Variants in NAV3 observed in about 807,000 individuals in gnomAD.
NAV3 encodes neuron navigator 3.
NAV3 carries 87 observed loss-of-function variants against 244.7 expected under a neutral mutation model. The observed-to-expected ratio is 0.36, with a 90% CI of 0.30 to 0.42. The LOEUF (loss-of-function observed/expected upper bound fraction) is 0.42, where lower values mean the gene tolerates loss of function less well. Among genes scored for constraint, NAV3 ranks in the 20% least tolerant of loss-of-function variants. The pLI, the probability that NAV3 is intolerant of heterozygous loss-of-function variation, is 1.00. For synonymous variants in NAV3, 1,126 were observed against 1,042.2 expected (o/e 1.08, Z -1.55); for missense variants, 2,663 against 2,893.3 (o/e 0.92, Z 1.83).
intron 9 of NAV3, among the ~76,000 whole-genome samples, chr12:78,047,727 G>T (rs1301769340): frequency 6.6e-6 from 1 of 152,164 alleles, no homozygotes; most frequent in Non-Finnish European, 1.5e-5. Context: ...GGTGGTCCCT[G>T]TATTTCCTGA....
chr12:77,584,070 T>G (rs1429657579), intron 2 of NAV3, among the ~76,000 whole-genome samples: 1 of 152,208 alleles, frequency 6.6e-6, no homozygotes, highest in Non-Finnish European at 1.5e-5. Context: ...AGAAAGTGCT[T>G]TCCCACCACT....
intron 39 of NAV3, among the ~76,000 whole-genome samples, chr12:78,208,264 A>G (rs559444356): frequency 6.6e-6 from 1 of 152,262 alleles, no homozygotes; most frequent in East Asian, 1.9e-4. Flanking sequence ...CATTCCCTCC[A>G]GAGTGAGAAC....
intron 2 of NAV3, among the ~76,000 whole-genome samples, chr12:77,672,655 A>G (rs897701867): frequency 8.6e-5 from 13 of 151,960 alleles, no homozygotes; most frequent in African/African-American, 3.1e-4. Flanking sequence ...CATAAGAATG[A>G]TACATTGGAC....
intron 2 of NAV3, among the ~76,000 whole-genome samples, chr12:77,695,059 T>C (rs1297499405): frequency 1.3e-5 from 2 of 152,224 alleles, no homozygotes; most frequent in African/African-American, 2.4e-5. Flanking sequence ...TAAGCCATGC[T>C]AAAACATTCT....
chr12:77,789,581 G>A (rs1463090519), intron 2 of NAV3, among the ~76,000 whole-genome samples: 1 of 151,780 alleles, frequency 6.6e-6, no homozygotes, highest in Non-Finnish European at 1.5e-5. Flanking sequence ...AGGCGGAGGC[G>A]GGTGGATCAC....
intron 12 of NAV3, among the ~76,000 whole-genome samples, chr12:78,112,869 C>T (rs1955171933): frequency 6.6e-6 from 1 of 152,174 alleles, no homozygotes; most frequent in African/African-American, 2.4e-5. Context: ...TGAGACAAGG[C>T]AAGTCCCTTC....
intron 2 of NAV3, among the ~76,000 whole-genome samples, chr12:77,621,230 G>GAT (rs1871356776): frequency 6.6e-6 from 1 of 152,100 alleles, no homozygotes; most frequent in Admixed American, 6.6e-5. Flanking sequence ...AATCCCATGG[G>GAT]ATAGTTAACA....
At chr12:77,835,090 G>A (rs978053534) in intron 1 of NAV3, among the ~76,000 whole-genome samples, 1 of 152,006 alleles carries the variant, frequency 6.6e-6, no homozygotes, top group Non-Finnish European at 1.5e-5. Flanking sequence ...AGTTGTCAGG[G>A]AACCAGGCTC....
intron 20 of NAV3, among the ~76,000 whole-genome samples, chr12:78,143,835 C>A (rs1956740696): frequency 6.6e-6 from 1 of 152,090 alleles, no homozygotes; most frequent in African/African-American, 2.4e-5. Flanking sequence ...GTAATTGACA[C>A]CTTTAGATGT....
intron 2 of NAV3, among the ~76,000 whole-genome samples, chr12:77,642,037 T>C (rs1872437336): frequency 6.6e-6 from 1 of 151,920 alleles, no homozygotes; most frequent in African/African-American, 2.4e-5. Flanking sequence ...TTGAGGGAAA[T>C]AGTTTAGTGT....
intron 2 of NAV3, among the ~76,000 whole-genome samples, chr12:77,710,564 T>A (rs1312116642): frequency 6.6e-6 from 1 of 152,196 alleles, no homozygotes; most frequent in Non-Finnish European, 1.5e-5. Flanking sequence ...TCCCCAAAGA[T>A]GTCAGTAGAA....
rs371111675 is a variant in NAV3, at chr12:77,963,770, A to C, written c.415-2459A>C. Among the ~76,000 whole-genome samples the C allele has an allele frequency of 1.4e-4, 21 of 152,112 alleles. No homozygotes were observed. The South Asian group carries it at 3.9e-3, about 29-fold the overall frequency. ...TAAAAATGGTTGAATGCTCCTGATAAATACATTTGAAAATAAAAAAGAATG... is the reference window on the plus strand; with the variant it reads ...TAAAAATGGTTGAATGCTCCTGATACATACATTTGAAAATAAAAAAGAATG... On this transcript the variant is annotated intron_variant, in intron 3 of 39. Transcript: ENST00000397909.
chr12:77,679,522 A>G (rs987847461), intron 2 of NAV3, among the ~76,000 whole-genome samples: 2 of 151,440 alleles, frequency 1.3e-5, no homozygotes, highest in African/African-American at 4.9e-5. Context: ...TCTGGATCTC[A>G]AAAGAGAGGC....
chr12:78,137,367 T>C lies in NAV3; in HGVS notation c.4630+2T>C. On this transcript the variant is annotated splice_donor_variant, in intron 19 of 39. Transcript: ENST00000397909. LOFTEE classifies it high-confidence loss of function. Reference sequence around the variant, plus strand: ...CATTCAGAGACAGCATGGAAGAAGGTAAGCGTTGAGGGGGATTAAAGATGA... The same window carrying C: ...CATTCAGAGACAGCATGGAAGAAGGCAAGCGTTGAGGGGGATTAAAGATGA... 6.2e-7 allele frequency: 1 copy of C among 1,607,950 alleles called. No homozygotes were observed. The highest frequency in any genetic ancestry group is 8.5e-7 in the Non-Finnish European group (1 of 1,178,228).
At chr12:77,834,169 A>G (rs1592732696) in intron 1 of NAV3, among the ~76,000 whole-genome samples, 1 of 152,128 alleles carries the variant, frequency 6.6e-6, no homozygotes, top group East Asian at 1.9e-4. Context: ...GCCTGTCCTC[A>G]CTAGGTCCAT....
intron 4 of NAV3, among the ~76,000 whole-genome samples, chr12:77,966,578 A>G (rs901900532): frequency 6.6e-6 from 1 of 152,132 alleles, no homozygotes; most frequent in Non-Finnish European, 1.5e-5. Flanking sequence ...TTACTAGTTT[A>G]TAGTATAATT....
chr12:78,143,344 T>A (rs1395060407), intron 20 of NAV3: 2 of 444,690 alleles, frequency 4.5e-6, no homozygotes, highest in Non-Finnish European at 4.5e-6. Flanking sequence ...TGTTTTGAAA[T>A]CTAAGGCCAA....
At chr12:77,716,475 T>C (rs12315766) in intron 2 of NAV3, among the ~76,000 whole-genome samples, 4,123 of 152,008 alleles carry the variant, frequency 0.027, 182 homozygotes, top group African/African-American at 0.093. Flanking sequence ...ATAGGTAATT[T>C]CATGTTTTAT....
intron 22 of NAV3, 73 bp downstream of exon 22, chr12:78,148,992 A>T: frequency 7.6e-7 from 1 of 1,307,580 alleles, no homozygotes; most frequent in African/African-American, 1.5e-5. Flanking sequence ...TTAGTAACAA[A>T]CTTACAAATT....
Sources: gnomAD v4.1 joint callset for allele counts (sites outside exome capture counted in the v4.1 genomes callset) on GRCh38, gnomAD v4.1.1 for gene constraint, MANE v1.5 for transcripts, NCBI Gene and HGNC (gene_info 2026-07-23, HGNC 2026-07-21) for gene names.